Variants in GPC6 observed in about 807,000 individuals in gnomAD.
GPC6 encodes glypican 6, also known as glypican-6.
GPC6 carries 14 observed loss-of-function variants against 55.2 expected under a neutral mutation model. The ratio of observed to expected loss-of-function variants is 0.25; its 90% confidence interval spans 0.17 to 0.40. GPC6 has a LOEUF of 0.40. Among genes scored for constraint, GPC6 ranks in the 10% least tolerant of loss-of-function variants. GPC6 has a pLI of 1.00. For missense variants in GPC6, 641 were observed against 708.5 expected (o/e 0.90, Z 1.08); for synonymous variants, 278 against 259.6 (o/e 1.07, Z -0.68).
chr13:93,314,015 T>G (rs1594090378), intron 1 of GPC6, among the ~76,000 whole-genome samples: 1 of 152,290 alleles, frequency 6.6e-6, no homozygotes, highest in African/African-American at 2.4e-5. Context: ...AGTTTGTTCT[T>G]GGTTGTTTTC....
chr13:93,775,529 T>C (rs1885439151), intron 2 of GPC6, among the ~76,000 whole-genome samples: 1 of 152,152 alleles, frequency 6.6e-6, no homozygotes. Context: ...TTCTGAAAAC[T>C]AAGTGAAGCT....
intron 3 of GPC6, among the ~76,000 whole-genome samples, chr13:94,002,990 G>C (rs962584260): frequency 1.6e-4 from 25 of 152,170 alleles, no homozygotes; most frequent in Non-Finnish European, 2.8e-4. Flanking sequence ...ACAGTTAAAA[G>C]AAATCAACAG....
chr13:93,418,606 C>T (rs1460361396), intron 1 of GPC6, among the ~76,000 whole-genome samples: 2 of 150,794 alleles, frequency 1.3e-5, no homozygotes, highest in African/African-American at 4.9e-5. Context: ...TAGCACTATA[C>T]CGTAGTATCA....
In GPC6 at chr13:93,330,072, A is replaced by G. The variant is rs948133198; in HGVS notation, c.160+102456A>G. Among the ~76,000 whole-genome samples the G allele has an allele frequency of 4.6e-5, 7 of 152,332 alleles. No homozygotes were observed. The East Asian group carries it at 1.4e-3, about 29-fold the overall frequency. The stretch of plus-strand genomic sequence containing the variant: ...AGTCAGCATAAACATAAAGGAAGAG[A>G]AAAGCTCATAGTGTATATACATGGA... On this transcript the variant is annotated intron_variant, in intron 1 of 8. Coordinates refer to ENST00000377047, the MANE Select transcript of GPC6 (RefSeq NM_005708.5).
intron 1 of GPC6, among the ~76,000 whole-genome samples, chr13:93,531,991 G>C (rs867173108): frequency 6.6e-6 from 1 of 152,112 alleles, no homozygotes; most frequent in South Asian, 2.1e-4. Context: ...ATTTAATGTT[G>C]AAACTGTGAA....
intron 4 of GPC6, among the ~76,000 whole-genome samples, chr13:94,219,806 C>T (rs1890330244): frequency 1.3e-5 from 2 of 152,204 alleles, no homozygotes; most frequent in Admixed American, 1.3e-4. Flanking sequence ...TAAATTTTAC[C>T]ATTTCCAGAA....
chr13:93,949,202 T>G (rs1253738796), intron 3 of GPC6, among the ~76,000 whole-genome samples: 1 of 152,230 alleles, frequency 6.6e-6, no homozygotes, highest in Non-Finnish European at 1.5e-5. Context: ...TCTTAATCAA[T>G]GAAAGATTTC....
At chr13:93,376,675 T>G (rs1874915506) in intron 1 of GPC6, among the ~76,000 whole-genome samples, 1 of 152,220 alleles carries the variant, frequency 6.6e-6, no homozygotes. Context: ...CATGTGATTT[T>G]GGTTTGTATT....
chr13:93,767,426 T>C (rs1885158306), intron 2 of GPC6, among the ~76,000 whole-genome samples: 1 of 152,140 alleles, frequency 6.6e-6, no homozygotes, highest in Non-Finnish European at 1.5e-5. Flanking sequence ...AAAAGCAAAT[T>C]TGTACTTTGA....
At chr13:94,215,849 A>G (rs1566553387) in intron 4 of GPC6, among the ~76,000 whole-genome samples, 2 of 152,138 alleles carry the variant, frequency 1.3e-5, no homozygotes, top group Non-Finnish European at 2.9e-5. Flanking sequence ...TTAATCTGGA[A>G]AACATCAAAA....
chr13:93,425,923 A>T (rs919380954), intron 1 of GPC6, among the ~76,000 whole-genome samples: 2 of 151,960 alleles, frequency 1.3e-5, no homozygotes, highest in Non-Finnish European at 2.9e-5. Context: ...CCACGGCTTT[A>T]TTTCCTTCTT....
At chr13:93,331,803 T>G (rs1464664295) in intron 1 of GPC6, among the ~76,000 whole-genome samples, 1 of 152,084 alleles carries the variant, frequency 6.6e-6, no homozygotes, top group Non-Finnish European at 1.5e-5. Context: ...ACACTAGAAC[T>G]TATTCATTCT....
At chr13:93,257,324 A>G (rs1443476017) in intron 1 of GPC6, among the ~76,000 whole-genome samples, 4 of 152,026 alleles carry the variant, frequency 2.6e-5, no homozygotes, top group African/African-American at 9.7e-5. Flanking sequence ...TTGTTATAAA[A>G]CCATTACTTT....
chr13:94,180,129 T>C (rs1594028522), intron 4 of GPC6, among the ~76,000 whole-genome samples: 1 of 152,038 alleles, frequency 6.6e-6, no homozygotes, highest in Non-Finnish European at 1.5e-5. Flanking sequence ...GGGTACAAGG[T>C]AGGAGATAAC....
intron 5 of GPC6, among the ~76,000 whole-genome samples, chr13:94,288,946 GATAGATAT>G (rs201971158): frequency 0.021 from 365 of 17,218 alleles, 2 homozygotes; most frequent in Middle Eastern, 0.05. Context: ...TAGATAGATA[GATAGATAT>G]ATAGATAGAT....
chr13:94,140,427 T>C (rs1302048551), intron 4 of GPC6, among the ~76,000 whole-genome samples: 2 of 152,174 alleles, frequency 1.3e-5, no homozygotes, highest in Non-Finnish European at 2.9e-5. Context: ...TTGGAACCAG[T>C]AGTAAATTGT....
At chr13:94,225,668 C>CATATATATATATATATATATAT (rs1355465459) in intron 4 of GPC6, among the ~76,000 whole-genome samples, 79 of 97,502 alleles carry the variant, frequency 8.1e-4, no homozygotes, top group African/African-American at 2.7e-3. Context: ...GTAAAGTATA[C>CATATATATATATATATATATAT]ACATATATAT....
At chr13:94,241,944 G>A (rs1312330013) in intron 4 of GPC6, among the ~76,000 whole-genome samples, 1 of 151,098 alleles carries the variant, frequency 6.6e-6, no homozygotes, top group Non-Finnish European at 1.5e-5. Flanking sequence ...TATGCTTTAA[G>A]TTTTAGGGTA....
At chr13:93,394,982 GT>G (rs1875789016) in intron 1 of GPC6, 1 of 225,690 alleles carries the variant, frequency 4.4e-6, no homozygotes, top group Non-Finnish European at 9.2e-6. Flanking sequence ...CAGAAGCAAA[GT>G]ATTGGCCTCC....
Sources: allele counts gnomAD v4.1 joint callset (sites outside exome capture counted in the v4.1 genomes callset), GRCh38; gene constraint gnomAD v4.1.1; transcripts MANE v1.5; gene names NCBI Gene and HGNC (gene_info 2026-07-23, HGNC 2026-07-21).